Variants in SNCAIP observed in about 807,000 individuals in gnomAD.
SNCAIP encodes synuclein alpha interacting protein, also known as synphilin-1.
In SNCAIP, 43 loss-of-function variants were observed where a neutral mutation model predicts 86.7. The ratio of observed to expected loss-of-function variants is 0.50; its 90% CI spans 0.39 to 0.64. The LOEUF (loss-of-function observed/expected upper bound fraction) is 0.64. SNCAIP is among the 30% of genes least tolerant of loss of function. The pLI is 0.00. For missense variants in SNCAIP, 981 were observed against 1,103.1 expected, an observed-to-expected ratio of 0.89 and a Z score of 1.57; for synonymous variants, 417 against 427.2, an observed-to-expected ratio of 0.98 and a Z score of 0.29.
intron 1 of SNCAIP, among the ~76,000 whole-genome samples, chr5:122,316,581 A>G (rs1045423354): frequency 6.6e-6 from 1 of 152,246 alleles, no homozygotes; most frequent in Non-Finnish European, 1.5e-5. Context: ...GCATATGTCC[A>G]TAGAGTGTAG....
intron 1 of SNCAIP, among the ~76,000 whole-genome samples, chr5:122,362,890 G>A (rs1326894251): frequency 6.6e-6 from 1 of 152,136 alleles, no homozygotes; most frequent in Admixed American, 6.5e-5. Flanking sequence ...AGTTCCATAG[G>A]GGCTTAAGTC....
intron 10 of SNCAIP, among the ~76,000 whole-genome samples, chr5:122,452,760 G>A (rs749023106): frequency 6.6e-6 from 1 of 152,146 alleles, no homozygotes; most frequent in Non-Finnish European, 1.5e-5. Flanking sequence ...CTGCTGCTCA[G>A]TAGTAACAGA....
intron 10 of SNCAIP, among the ~76,000 whole-genome samples, chr5:122,458,936 A>T (rs558784919): frequency 1.1e-4 from 17 of 152,276 alleles, no homozygotes; most frequent in African/African-American, 4.1e-4. Flanking sequence ...TAGAGACTTC[A>T]TAGATATTTG....
chr5:122,397,747 T>C (rs922552926), intron 2 of SNCAIP, among the ~76,000 whole-genome samples: 1 of 152,050 alleles, frequency 6.6e-6, no homozygotes, highest in African/African-American at 2.4e-5. Context: ...TGTGAAAACA[T>C]GGAATGTGGA....
chr5:122,342,015 C>T (rs993700884), intron 1 of SNCAIP, among the ~76,000 whole-genome samples: 39 of 152,240 alleles, frequency 2.6e-4, no homozygotes, highest in Admixed American at 2.5e-3. Context: ...GCCACATCCC[C>T]CTCTAAGAGG....
At chr5:122,449,020 A>C (rs1025715698) in intron 8 of SNCAIP, among the ~76,000 whole-genome samples, 1 of 152,036 alleles carries the variant, frequency 6.6e-6, no homozygotes, top group Non-Finnish European at 1.5e-5. Flanking sequence ...CGACTCAAAA[A>C]AAAAAATGAG....
chr5:122,459,983 T>C (rs1785746753), intron 10 of SNCAIP, among the ~76,000 whole-genome samples: 1 of 152,196 alleles, frequency 6.6e-6, no homozygotes, highest in African/African-American at 2.4e-5. Flanking sequence ...CCCTGTTATC[T>C]ACTGGCATTC....
At chr5:122,337,427 GA>G (rs1413869200) in intron 1 of SNCAIP, among the ~76,000 whole-genome samples, 1 of 152,048 alleles carries the variant, frequency 6.6e-6, no homozygotes, top group Non-Finnish European at 1.5e-5. Context: ...CTCTTTTACC[GA>G]GAGAAATAGT....
At chr5:122,378,310 ATG>A (rs1765826431) in intron 1 of SNCAIP, among the ~76,000 whole-genome samples, 1 of 138,528 alleles carries the variant, frequency 7.2e-6, no homozygotes, top group African/African-American at 2.8e-5. Context: ...GCATTTTTTC[ATG>A]TGTTTTTTGG....
chr5:122,341,599 A>C (rs531751030), intron 1 of SNCAIP, among the ~76,000 whole-genome samples: 1 of 152,332 alleles, frequency 6.6e-6, no homozygotes, highest in Admixed American at 6.5e-5. Flanking sequence ...CTAAATTCAG[A>C]CAAGTACAGA....
chr5:122,451,699 C>A, intron 10 of SNCAIP, 98 bp downstream of exon 10: 1 of 934,704 alleles, frequency 1.1e-6, no homozygotes, highest in Non-Finnish European at 1.6e-6. Context: ...TGAGGGAATC[C>A]CCAGGAAAAA....
chr5:122,409,057 A>G (rs10065653), intron 3 of SNCAIP, among the ~76,000 whole-genome samples: 30,953 of 152,040 alleles, frequency 0.2, 4,050 homozygotes, highest in African/African-American at 0.38. Flanking sequence ...CTAGTTTGGG[A>G]CAAGGATTAG....
At chr5:122,455,978 C>T (rs931368893) in intron 10 of SNCAIP, among the ~76,000 whole-genome samples, 2 of 152,170 alleles carry the variant, frequency 1.3e-5, no homozygotes, top group Admixed American at 6.5e-5. Flanking sequence ...GAAATGTTTG[C>T]AATTACTTGT....
intron 1 of SNCAIP, among the ~76,000 whole-genome samples, chr5:122,333,655 A>G (rs909776480): frequency 6.6e-6 from 1 of 152,238 alleles, no homozygotes; most frequent in Non-Finnish European, 1.5e-5. Context: ...TACATCTTAT[A>G]TTCTGATTGT....
chr5:122,318,646 G>C lies in SNCAIP; in HGVS notation c.-47+6362G>C, dbSNP rs145595660. Among the ~76,000 whole-genome samples, 378 of 152,252 alleles carry C rather than the reference G, an allele frequency of 2.5e-3. 3 individuals are homozygous for C. The highest frequency in any genetic ancestry group is 8.8e-3 in the African/African-American group (364 of 41,554). ...GCCTCTTAGGATACTGGGACATGAAGACAGATTCTCTTTGAAGCTGCTGCT... is the reference window on the plus strand; with the variant it reads ...GCCTCTTAGGATACTGGGACATGAACACAGATTCTCTTTGAAGCTGCTGCT... On this transcript the variant is annotated intron_variant, in intron 1 of 10. Coordinates refer to ENST00000261368, the MANE Select transcript of SNCAIP (RefSeq NM_005460.4).
intron 1 of SNCAIP, among the ~76,000 whole-genome samples, chr5:122,356,427 T>C (rs916663235): frequency 1.3e-5 from 2 of 152,200 alleles, no homozygotes; most frequent in East Asian, 3.9e-4. Flanking sequence ...TTAGCTTCCT[T>C]TTTAAAGGAT....
intron 1 of SNCAIP, among the ~76,000 whole-genome samples, chr5:122,375,142 A>G (rs937276799): frequency 6.6e-6 from 1 of 152,198 alleles, no homozygotes; most frequent in African/African-American, 2.4e-5. Context: ...TTGCTTAATC[A>G]TCTAAATATA....
chr5:122,392,159 C>T (rs1293640057), intron 2 of SNCAIP, among the ~76,000 whole-genome samples: 2 of 152,076 alleles, frequency 1.3e-5, no homozygotes, highest in Non-Finnish European at 2.9e-5. Context: ...TACTCCTTAC[C>T]TTGAAGTAAA....
chr5:122,426,901 A>G (rs1195009914), intron 5 of SNCAIP, among the ~76,000 whole-genome samples: 1 of 152,228 alleles, frequency 6.6e-6, no homozygotes, highest in Non-Finnish European at 1.5e-5. Flanking sequence ...ACAAATTTGT[A>G]TAAGTCATAG....
Sources: allele counts gnomAD v4.1 joint callset (sites outside exome capture counted in the v4.1 genomes callset), GRCh38; gene constraint gnomAD v4.1.1; transcripts MANE v1.5; gene names NCBI Gene and HGNC (gene_info 2026-07-23, HGNC 2026-07-21).